The following FHIP2A variants were observed in gnomAD, a reference collection of about 807,000 sequenced individuals.
The protein encoded by FHIP2A is family with sequence similarity 160 member B1.
A neutral mutation model predicts 93.5 loss-of-function variants in FHIP2A; 46 were observed. The observed-to-expected ratio is 0.49, with a 90% CI of 0.39 to 0.63. FHIP2A has a LOEUF of 0.63. Among genes scored for constraint, FHIP2A ranks in the 20% least tolerant of loss-of-function variants. The pLI is 0.00. For synonymous variants in FHIP2A, 332 were observed against 326.5 expected (o/e 1.02, Z -0.18); for missense variants, 769 against 909.7 (o/e 0.85, Z 1.99).
Position 114,861,501 on chromosome 10 carries a change from A to G in FHIP2A, c.2259A>G (p.Ala753=), listed in dbSNP as rs150112246. Reference sequence around the variant, plus strand: ...AAGAGTTCTGTAAGGAGCTGGCGGCAATCGCATTTGTAAAATATCATGCTT... The same window carrying G: ...AAGAGTTCTGTAAGGAGCTGGCGGCGATCGCATTTGTAAAATATCATGCTT... The part of the protein sequence containing the change: ...VLEEFCKELA[A]IAFVKYHASS... The change falls in exon 17 of 17, where the codon GCA becomes GCG. Residue 753 remains alanine (A), a synonymous_variant. Transcript: ENST00000369248. The G allele has an allele frequency of 9.8e-4, 1,587 of 1,614,054 alleles. 3 individuals carry two copies. The highest frequency in any genetic ancestry group is 1.5e-3 in the Admixed American group (88 of 60,028).
chr10:114,884,911 CA>C (rs35889495), intron 16 of FHIP2A, among the ~76,000 whole-genome samples: 494 of 123,948 alleles, frequency 4.0e-3, no homozygotes, highest in African/African-American at 7.9e-3. Flanking sequence ...GAGACTCCAT[CA>C]AAAAAAAAAA....
intron 11 of FHIP2A, 34 bp downstream of exon 11, chr10:114,846,762 T>C (rs1833409173): frequency 6.5e-6 from 10 of 1,534,982 alleles, no homozygotes; most frequent in Non-Finnish European, 7.0e-6. Flanking sequence ...AGTTCAGCAT[T>C]TCATGTAGAG....
At chr10:114,867,061 T>G (rs904674334), downstream of FHIP2A, among the ~76,000 whole-genome samples, 15 of 151,832 alleles carry the variant, frequency 9.9e-5, no homozygotes, top group African/African-American at 3.4e-4. Context: ...CTACAAAACT[T>G]AGCCAGGCAT....
chr10:114,858,149 A>C (rs1392607862), intron 14 of FHIP2A, among the ~76,000 whole-genome samples: 1 of 152,242 alleles, frequency 6.6e-6, no homozygotes. Flanking sequence ...TAAATACTGT[A>C]TAAAGTATAA....
At position 114,861,555 on chromosome 10, in the gene FHIP2A, G is replaced by A. The variant is rs1485624123; in HGVS notation, c.*15G>A. ...CCACACCATAAATAACATCTTTCAT[G>A]TAACTGGGGGAACAGAACTACTGTG... On this transcript the variant is annotated 3_prime_UTR_variant, in exon 17 of 17. Coordinates refer to ENST00000369248, the MANE Select transcript of FHIP2A (RefSeq NM_020940.4). 6 of 1,611,520 alleles carry A rather than the reference G, an allele frequency of 3.7e-6. No homozygotes were observed. Among genetic ancestry groups the A allele is most frequent in the Non-Finnish European group, 5.1e-6 (6 of 1,179,672 alleles).
Position 114,875,855 on chromosome 10 carries a change from A to G in FHIP2A, c.2192+14521A>G, listed in dbSNP as rs572048053. On this transcript the variant is annotated intron_variant, in intron 16 of 16. Coordinates refer to the FHIP2A transcript ENST00000369250. ...GGTAAGAGAGAAAGAAAGAAAGAAA[A>G]AGAAAGAAAGAAAGAGAAAGAAAGA... is the stretch of plus-strand genomic sequence containing the variant. Among the ~76,000 whole-genome samples the G allele has an allele frequency of 8.7e-3, 1,008 of 116,290 alleles. 32 individuals carry two copies. The highest frequency in any genetic ancestry group is 0.01 in the African/African-American group (317 of 31,518). The allele number at this position is 116,290 out of a possible 152,430, so 76.3% of individuals were successfully genotyped here.
chr10:114,822,416 G>A (rs1409349970), intron 1 of FHIP2A, among the ~76,000 whole-genome samples: 8 of 152,210 alleles, frequency 5.3e-5, no homozygotes, highest in African/African-American at 1.9e-4. Context: ...GCCGCCCAAC[G>A]CCGCTCGGTG....
intron 5 of FHIP2A, among the ~76,000 whole-genome samples, chr10:114,839,093 A>G (rs2083652999): frequency 6.6e-6 from 1 of 152,104 alleles, no homozygotes. Context: ...TTAACACTAA[A>G]TGAATGAATC....
intron 14 of FHIP2A, among the ~76,000 whole-genome samples, chr10:114,856,176 C>T (rs895735082): frequency 5.9e-5 from 9 of 152,194 alleles, no homozygotes; most frequent in African/African-American, 2.2e-4. Flanking sequence ...ACTAAGTAGG[C>T]TGTCTTCAGT....
At chr10:114,837,778 G>A (rs1394673942) in intron 5 of FHIP2A, among the ~76,000 whole-genome samples, 1 of 152,142 alleles carries the variant, frequency 6.6e-6, no homozygotes, top group Admixed American at 6.5e-5. Flanking sequence ...AAAAGTCATA[G>A]CAATGTAATT....
intron 5 of FHIP2A, among the ~76,000 whole-genome samples, chr10:114,840,947 C>G (rs1022797753): frequency 6.6e-6 from 1 of 152,058 alleles, no homozygotes; most frequent in Non-Finnish European, 1.5e-5. Context: ...CTGATGAGAT[C>G]CCTAAAACAG....
intron 5 of FHIP2A, among the ~76,000 whole-genome samples, chr10:114,839,125 G>GT (rs1280497394): frequency 3.3e-5 from 5 of 151,926 alleles, no homozygotes; most frequent in Admixed American, 6.6e-5. Context: ...GCAGCGTTTT[G>GT]TTTTTGTTTT....
intron 16 of FHIP2A, among the ~76,000 whole-genome samples, chr10:114,870,477 C>A (rs954735670): frequency 5.3e-5 from 8 of 152,160 alleles, no homozygotes; most frequent in Non-Finnish European, 1.0e-4. Context: ...TCCACTTACA[C>A]AAAGGCAGGC....
intron 13 of FHIP2A, among the ~76,000 whole-genome samples, chr10:114,852,636 G>A (rs2083743785): frequency 6.6e-6 from 1 of 152,132 alleles, no homozygotes; most frequent in Non-Finnish European, 1.5e-5. Context: ...ACCTCTGCCA[G>A]ATTACAGTAG....
At chr10:114,838,254 A>G (rs913386742) in intron 5 of FHIP2A, among the ~76,000 whole-genome samples, 16 of 152,184 alleles carry the variant, frequency 1.1e-4, no homozygotes, top group Non-Finnish European at 2.2e-4. Flanking sequence ...ATTTTACATT[A>G]CTAAGTAAAT....
In FHIP2A at chr10:114,891,535, A is replaced by ATG. The variant is rs1342933567; in HGVS notation, c.2193-7954_2193-7953insGT. Among the ~76,000 whole-genome samples, 605 of 126,456 alleles carry ATG rather than the reference A, an allele frequency of 4.8e-3. 1 individual carries two copies. Among genetic ancestry groups the ATG allele is most frequent in the South Asian group, 8.1e-3 (32 of 3,954 alleles). The allele number at this position is 126,456 out of a possible 152,430, so 83.0% of individuals were successfully genotyped here. ...ATGCCACAAGGGTGAATATATATAT[A>ATG]TATGTGTGTGTGTGTGTGTGTGTGT... is the stretch of plus-strand genomic sequence containing the variant. On this transcript the variant is annotated intron_variant, in intron 16 of 16. Coordinates refer to the FHIP2A transcript ENST00000369250.
At chr10:114,842,160 C>T (rs547053860) in intron 5 of FHIP2A, among the ~76,000 whole-genome samples, 1 of 152,232 alleles carries the variant, frequency 6.6e-6, no homozygotes, top group Non-Finnish European at 1.5e-5. Flanking sequence ...CAGGCTCAAG[C>T]AATATTCCTG....
chr10:114,867,993 G>T (rs1442706800), downstream of FHIP2A, among the ~76,000 whole-genome samples: 1 of 150,246 alleles, frequency 6.7e-6, no homozygotes, highest in African/African-American at 2.5e-5. Flanking sequence ...CCAGGCTGGA[G>T]TGCGGTGGCA....
rs138483232 is a variant in FHIP2A, at chr10:114,854,948, A to G, written c.1804-249A>G. On this transcript the variant is annotated intron_variant, in intron 13 of 16. Transcript: ENST00000369248. ...TTTAAAGGAAAGAGCTGTTAGGGGT[A>G]TTTTAGTAAAGTTAAAATATGTCTC... Among the ~76,000 whole-genome samples the G allele has an allele frequency of 2.0e-5, 3 of 152,348 alleles. No individual in the cohort carries two copies. In the East Asian group the frequency reaches 5.8e-4, roughly 29 times the overall value.
Sources: gnomAD v4.1 joint callset for allele counts (sites outside exome capture counted in the v4.1 genomes callset) on GRCh38, gnomAD v4.1.1 for gene constraint, MANE v1.5 for transcripts, NCBI Gene and HGNC (gene_info 2026-07-23, HGNC 2026-07-21) for gene names.